SEMA5A: variants seen among roughly 807,000 people sequenced by gnomAD.
SEMA5A encodes the protein semaphorin-5A.
Under a neutral mutation model 135.5 loss-of-function variants are expected in SEMA5A, and 55 were observed. That is an observed-to-expected ratio of 0.41 (90% CI 0.33 to 0.51). The LOEUF (loss-of-function observed/expected upper bound fraction) is 0.51, where lower values mean the gene tolerates loss of function less well. SEMA5A is among the 20% of genes least tolerant of loss of function. SEMA5A has a pLI of 0.37. For synonymous variants in SEMA5A, 580 were observed against 546.5 expected, an observed-to-expected ratio of 1.06 and a Z score of -0.85; for missense variants, 1,290 against 1,419.9, an observed-to-expected ratio of 0.91 and a Z score of 1.47.
At chr5:9,231,675 T>C (rs1005016690) in intron 6 of SEMA5A, among the ~76,000 whole-genome samples, 3 of 152,094 alleles carry the variant, frequency 2.0e-5, no homozygotes, top group Admixed American at 1.3e-4. Context: ...AATGTAGAGG[T>C]AGAGTCACAA....
At chr5:9,148,932 C>T (rs1032318177) in intron 12 of SEMA5A, among the ~76,000 whole-genome samples, 4 of 152,126 alleles carry the variant, frequency 2.6e-5, no homozygotes, top group African/African-American at 7.2e-5. Flanking sequence ...GTTGGCCAGG[C>T]TGGTCTTGAA....
intron 12 of SEMA5A, among the ~76,000 whole-genome samples, chr5:9,150,494 C>G (rs1260887451): frequency 1.3e-5 from 2 of 152,068 alleles, no homozygotes; most frequent in Non-Finnish European, 2.9e-5. Flanking sequence ...ATGCTAACAT[C>G]AAAACACAAT....
At chr5:9,370,876 T>C (rs1030044032) in intron 3 of SEMA5A, among the ~76,000 whole-genome samples, 2 of 152,192 alleles carry the variant, frequency 1.3e-5, no homozygotes, top group Non-Finnish European at 2.9e-5. Context: ...AATCTCCAAC[T>C]CTTCCTCTGT....
At chr5:9,212,146 A>G (rs1172910818) in intron 8 of SEMA5A, among the ~76,000 whole-genome samples, 1 of 152,268 alleles carries the variant, frequency 6.6e-6, no homozygotes. Flanking sequence ...GTGCAAGCAC[A>G]TAATTCCTTC....
chr5:9,086,823 T>C (rs1312140278), intron 16 of SEMA5A, among the ~76,000 whole-genome samples: 1 of 152,262 alleles, frequency 6.6e-6, no homozygotes, highest in Non-Finnish European at 1.5e-5. Flanking sequence ...TGACCATTTC[T>C]TTCTGAACTT....
At chr5:9,407,728 C>T (rs1756941486) in intron 2 of SEMA5A, among the ~76,000 whole-genome samples, 1 of 152,172 alleles carries the variant, frequency 6.6e-6, no homozygotes, top group Non-Finnish European at 1.5e-5. Flanking sequence ...CATCTCTTAC[C>T]CTCATGCTGC....
intron 11 of SEMA5A, among the ~76,000 whole-genome samples, chr5:9,189,494 C>T (rs1246796171): frequency 6.7e-6 from 1 of 150,034 alleles, no homozygotes; most frequent in Non-Finnish European, 1.5e-5. Flanking sequence ...TTATCAGCAA[C>T]AAAAACAGTA....
At chr5:9,098,330 C>T (rs960230226) in intron 16 of SEMA5A, among the ~76,000 whole-genome samples, 9 of 152,058 alleles carry the variant, frequency 5.9e-5, no homozygotes, top group Non-Finnish European at 8.8e-5. Context: ...ATTTCAGTAG[C>T]AAGTGCTCGG....
At chr5:9,333,051 GA>G (rs1351716166) in intron 4 of SEMA5A, among the ~76,000 whole-genome samples, 1 of 152,142 alleles carries the variant, frequency 6.6e-6, no homozygotes, top group East Asian at 1.9e-4. Flanking sequence ...AGCTTTTTGG[GA>G]AAAGTAAGAG....
intron 11 of SEMA5A, among the ~76,000 whole-genome samples, chr5:9,169,752 G>C (rs1041470566): frequency 3.3e-5 from 5 of 152,166 alleles, no homozygotes; most frequent in African/African-American, 9.7e-5. Flanking sequence ...AGGGCCTCCA[G>C]GCTGCTCAGG....
intron 5 of SEMA5A, among the ~76,000 whole-genome samples, chr5:9,256,467 C>T (rs924733270): frequency 6.6e-6 from 1 of 152,160 alleles, no homozygotes; most frequent in Non-Finnish European, 1.5e-5. Flanking sequence ...CCTGACTCCT[C>T]AATATTCAGA....
chr5:9,258,832 T>G (rs1221112912), intron 5 of SEMA5A, among the ~76,000 whole-genome samples: 2 of 106,656 alleles, frequency 1.9e-5, no homozygotes, highest in East Asian at 6.1e-4. Context: ...TTTTTTTCCC[T>G]GAGATGGAGT....
intron 21 of SEMA5A, among the ~76,000 whole-genome samples, chr5:9,049,493 A>G (rs1047699066): frequency 1.3e-5 from 2 of 152,330 alleles, no homozygotes; most frequent in African/African-American, 4.8e-5. Context: ...GTAGTTAATA[A>G]TGGTAGTTAG....
chr5:9,493,047 T>C (rs932909500), intron 1 of SEMA5A, among the ~76,000 whole-genome samples: 6 of 152,022 alleles, frequency 3.9e-5, no homozygotes, highest in African/African-American at 1.4e-4. Flanking sequence ...TGTAGGTTGA[T>C]CGATTGCAAC....
intron 17 of SEMA5A, among the ~76,000 whole-genome samples, chr5:9,063,900 T>C (rs923378463): frequency 7.2e-5 from 11 of 152,176 alleles, no homozygotes; most frequent in Non-Finnish European, 1.3e-4. Flanking sequence ...TAATTAGCCA[T>C]AGTCAAAATT....
Position 9,137,647 on chromosome 5 carries a change from G to C in SEMA5A, c.1482-1026C>G, listed in dbSNP as rs975840494. 2.6e-5 allele frequency among the ~76,000 whole-genome samples: 4 copies of C among 152,282 alleles called. No homozygotes were observed. The East Asian group carries it at 7.7e-4, about 29-fold the overall frequency. ...GGAGGTGCCAATGACCCCTCTTAGA[G>C]GCAGGATAGTACTTACAGTGAGGGA... On this transcript the variant is annotated intron_variant, in intron 12 of 22. Coordinates refer to ENST00000382496, the MANE Select transcript of SEMA5A (RefSeq NM_003966.3).
At chr5:9,527,112 G>A (rs949115110) in intron 1 of SEMA5A, among the ~76,000 whole-genome samples, 16 of 152,134 alleles carry the variant, frequency 1.1e-4, no homozygotes, top group African/African-American at 3.9e-4. Context: ...AGTCACAGTG[G>A]GCTCAGCTAT....
At chr5:9,396,739 T>C (rs1284887940) in intron 2 of SEMA5A, among the ~76,000 whole-genome samples, 1 of 152,202 alleles carries the variant, frequency 6.6e-6, no homozygotes. Context: ...GTCAAGCCTC[T>C]GCAAGCCTCG....
chr5:9,037,705 G>A lies in SEMA5A; in HGVS notation c.*5192C>T, dbSNP rs1015416632. 2 of 152,070 alleles carry A rather than the reference G, an allele frequency of 1.3e-5. No homozygotes were observed. Among genetic ancestry groups the A allele is most frequent in the Admixed American group, 6.6e-5 (1 of 15,262 alleles). 9.4% of individuals were successfully genotyped at this position (152,070 alleles called of 1,614,324 possible). A position where few individuals can be genotyped will look rare whatever the true frequency, so the allele number is the denominator to read the frequency against. On this transcript the variant is annotated 3_prime_UTR_variant, in exon 23 of 23. Coordinates refer to ENST00000382496, the MANE Select transcript of SEMA5A (RefSeq NM_003966.3). ...CAACATATTTTCCTTTGCTTTATTA[G>A]GTTAACAAGCAAGGATTAAAGCAAC...
Sources: allele counts gnomAD v4.1 joint callset (sites outside exome capture counted in the v4.1 genomes callset), GRCh38; gene constraint gnomAD v4.1.1; transcripts MANE v1.5; gene names NCBI Gene and HGNC (gene_info 2026-07-23, HGNC 2026-07-21).